ZBTB16: variants seen among roughly 807,000 people sequenced by gnomAD.
The protein encoded by ZBTB16 is zinc finger and BTB domain-containing protein 16.
Under a neutral mutation model 56.8 loss-of-function variants are expected in ZBTB16, and 8 were observed. The observed-to-expected ratio is 0.14, with a 90% CI of 0.08 to 0.25. The LOEUF is 0.25. ZBTB16 is among the 10% of genes least tolerant of loss of function. The pLI is 1.00. For synonymous variants in ZBTB16, 363 were observed against 368.5 expected, an observed-to-expected ratio of 0.98 and a Z score of 0.17; for missense variants, 625 against 903.0, an observed-to-expected ratio of 0.69 and a Z score of 3.95.
At chr11:114,214,508 C>T (rs1402556052) in intron 4 of ZBTB16, among the ~76,000 whole-genome samples, 2 of 152,172 alleles carry the variant, frequency 1.3e-5, no homozygotes, top group Admixed American at 6.5e-5. Context: ...ATTATGATCC[C>T]TGGAGTAAAC....
intron 4 of ZBTB16, chr11:114,209,779 G>T: frequency 1.0e-6 from 1 of 985,446 alleles, no homozygotes; most frequent in Non-Finnish European, 1.2e-6. Flanking sequence ...CCACAGCCCA[G>T]GGATAAGCTT....
At chr11:114,152,485 G>T (rs646381) in intron 2 of ZBTB16, among the ~76,000 whole-genome samples, 127,343 of 152,226 alleles carry the variant, frequency 0.84, 53,957 homozygotes, top group African/African-American at 0.95. Flanking sequence ...AATAGAAACT[G>T]GTTAGAGGTT....
intron 2 of ZBTB16, among the ~76,000 whole-genome samples, chr11:114,131,137 G>A (rs1591697975): frequency 6.6e-6 from 1 of 152,192 alleles, no homozygotes; most frequent in African/African-American, 2.4e-5. Context: ...CTCAATGGGG[G>A]ACAATTTCGT....
Position 114,077,557 on chromosome 11 carries a change from G to C in ZBTB16, c.1268+12989G>C, listed in dbSNP as rs117493229. ...TCTCAATTAGTCCGACTCCTCCTCAGCCTGAACTAAGCACGTTCCAGTGGG... is the reference window on the plus strand; with the variant it reads ...TCTCAATTAGTCCGACTCCTCCTCACCCTGAACTAAGCACGTTCCAGTGGG... On this transcript the variant is annotated intron_variant, in intron 2 of 6. Coordinates refer to ENST00000335953, the MANE Select transcript of ZBTB16 (RefSeq NM_006006.6). 1.9e-3 allele frequency among the ~76,000 whole-genome samples: 292 copies of C among 152,210 alleles called. 8 individuals are homozygous for C. In the East Asian group the frequency reaches 0.048, roughly 25 times the overall value.
rs1345209365 is a variant in ZBTB16, at chr11:114,256,382, CG to C, written c.*5830del. Among the ~76,000 whole-genome samples, 1 of 152,096 alleles carries C rather than the reference CG, an allele frequency of 6.6e-6. No individual in the cohort carries two copies. The highest frequency in any genetic ancestry group is 1.5e-5 in the Non-Finnish European group (1 of 68,028). ...GGCCGCCCTGGGGCTACCATGCTAGCGGGCCGCTGAGTCGGAATCCGTGGCT... is the reference window on the plus strand; with the variant it reads ...GGCCGCCCTGGGGCTACCATGCTAGCGGCCGCTGAGTCGGAATCCGTGGCT... On this transcript the variant is annotated 3_prime_UTR_variant, in exon 7 of 7. Coordinates refer to ENST00000335953, the MANE Select transcript of ZBTB16 (RefSeq NM_006006.6).
At chr11:114,091,431 T>C (rs1940184903) in intron 2 of ZBTB16, among the ~76,000 whole-genome samples, 1 of 151,694 alleles carries the variant, frequency 6.6e-6, no homozygotes, top group South Asian at 2.1e-4. Context: ...AACTCTCAAC[T>C]CCTGGCCTGT....
Position 114,185,011 on chromosome 11 carries a change from AAAAT to A in ZBTB16, c.1367-1925_1367-1922del, listed in dbSNP as rs34465404. Among the ~76,000 whole-genome samples the A allele has an allele frequency of 6.3e-3, 951 of 152,028 alleles. 5 individuals are homozygous for A. The highest frequency in any genetic ancestry group is 0.014 in the Middle Eastern group (4 of 294). Reference sequence around the variant, plus strand: ...AAACACAGTGAGACCTCATCTCTTTAAAATAAATAAATAAATAAAATAAAATAAA... The same window carrying A: ...AAACACAGTGAGACCTCATCTCTTTAAAATAAATAAATAAAATAAAATAAA... On this transcript the variant is annotated intron_variant, in intron 3 of 6. Coordinates refer to ENST00000335953, the MANE Select transcript of ZBTB16 (RefSeq NM_006006.6).
intron 2 of ZBTB16, among the ~76,000 whole-genome samples, chr11:114,096,715 G>A (rs1217122112): frequency 6.6e-6 from 1 of 152,138 alleles, no homozygotes; most frequent in African/African-American, 2.4e-5. Flanking sequence ...AAACTTGAGG[G>A]GTTTGCAGCC....
chr11:114,064,205 G>C lies in ZBTB16; in HGVS notation c.905G>C (p.Ser302Thr), dbSNP rs1172914376. ...ARELHYGREE[S>T]AEQVPPPAEA... ...GAGCTACACTATGGGCGAGAGGAGA[G>C]TGCCGAGCAGGTGCCACCCCCAGCT... The change falls in exon 2 of 7, where the codon AGT (serine) becomes ACT (threonine). Residue 302 changes from serine to threonine, a missense_variant. Ser to Thr is a moderately conservative substitution (Grantham distance 58). Coordinates refer to ENST00000335953, the MANE Select transcript of ZBTB16 (RefSeq NM_006006.6). This position sits in a 1 kb window ranked among gnomAD's most constrained non-coding sequence, Gnocchi z 4.2. 1.2e-6 allele frequency: 2 copies of C among 1,613,988 alleles called. No individual in the cohort carries two copies. The highest frequency in any genetic ancestry group is 2.2e-5 in the South Asian group (2 of 91,086).
At chr11:114,081,350 A>G (rs191278608) in intron 2 of ZBTB16, among the ~76,000 whole-genome samples, 9 of 152,336 alleles carry the variant, frequency 5.9e-5, no homozygotes, top group African/African-American at 1.9e-4. Context: ...AGACCCAAAG[A>G]TTGCTAAGAC....
chr11:114,134,112 A>C (rs1941738567), intron 2 of ZBTB16, among the ~76,000 whole-genome samples: 1 of 152,210 alleles, frequency 6.6e-6, no homozygotes, highest in Admixed American at 6.5e-5. Context: ...GCTGTGAAAA[A>C]TGCTTAACAT....
chr11:114,182,213 C>A (rs963915267), intron 3 of ZBTB16, among the ~76,000 whole-genome samples: 3 of 151,980 alleles, frequency 2.0e-5, no homozygotes, highest in Admixed American at 6.6e-5. Flanking sequence ...CCATGCCTGG[C>A]CAATTTTTGT....
In ZBTB16 at chr11:114,252,586, C is replaced by T. The variant is rs548459303; in HGVS notation, c.*2031C>T. Among the ~76,000 whole-genome samples, 10 of 152,208 alleles carry T rather than the reference C, an allele frequency of 6.6e-5. No homozygotes were observed. Among genetic ancestry groups the T allele is most frequent in the South Asian group, 4.2e-4 (2 of 4,818 alleles). On this transcript the variant is annotated 3_prime_UTR_variant, in exon 7 of 7. Transcript: ENST00000335953. ...TGCAATATTCGTGTTTGCTTTGGGA[C>T]GGACCCTCCGTTTCATCTCATGCTT...
chr11:114,235,158 C>G (rs113495368), intron 4 of ZBTB16, among the ~76,000 whole-genome samples: 1 of 152,170 alleles, frequency 6.6e-6, no homozygotes, highest in Non-Finnish European at 1.5e-5. Context: ...GCAGGGGAGG[C>G]AGTCCTTCCT....
At chr11:114,132,574 C>A (rs993499937) in intron 2 of ZBTB16, among the ~76,000 whole-genome samples, 5 of 152,128 alleles carry the variant, frequency 3.3e-5, no homozygotes, top group Non-Finnish European at 1.5e-5. Flanking sequence ...TGCCCCCTCG[C>A]AAGCTTGTTT....
chr11:114,121,215 C>T (rs776122071), intron 2 of ZBTB16, among the ~76,000 whole-genome samples: 1 of 152,276 alleles, frequency 6.6e-6, no homozygotes, highest in East Asian at 1.9e-4. Context: ...TTTGCGATTT[C>T]TGTGGTGTAG....
intron 4 of ZBTB16, among the ~76,000 whole-genome samples, chr11:114,198,265 C>T (rs958397926): frequency 5.9e-5 from 9 of 152,198 alleles, no homozygotes; most frequent in Non-Finnish European, 1.2e-4. Context: ...GGCCGCGGAA[C>T]GTCATAGGCA....
chr11:114,183,043 G>A (rs979524929), intron 3 of ZBTB16, among the ~76,000 whole-genome samples: 5 of 152,104 alleles, frequency 3.3e-5, no homozygotes, highest in Non-Finnish European at 5.9e-5. Flanking sequence ...TGTCTGTCTC[G>A]CTCGGCTCCG....
At chr11:114,155,063 C>CCCCACCT (rs1213757386) in intron 2 of ZBTB16, among the ~76,000 whole-genome samples, 1 of 152,190 alleles carries the variant, frequency 6.6e-6, no homozygotes, top group Non-Finnish European at 1.5e-5. Flanking sequence ...TACTCCCTCT[C>CCCCACCT]CCCACCTGCA....
Sources: allele counts gnomAD v4.1 joint callset (sites outside exome capture counted in the v4.1 genomes callset), GRCh38; gene constraint gnomAD v4.1.1; non-coding constraint Gnocchi (gnomAD v3.1); transcripts MANE v1.5; gene names NCBI Gene and HGNC (gene_info 2026-07-23, HGNC 2026-07-21).